Variants in SPIN1 observed in about 807,000 individuals in gnomAD.
SPIN1 encodes the protein spindlin-1.
SPIN1 carries 3 observed loss-of-function variants against 26.0 expected under a neutral mutation model. That is an observed-to-expected ratio of 0.12 (90% CI 0.05 to 0.30). The LOEUF is 0.30. SPIN1 is among the 10% of genes least tolerant of loss of function. SPIN1 has a pLI of 1.00. For missense variants in SPIN1, 126 were observed against 333.4 expected (o/e 0.38, Z 4.84); for synonymous variants, 101 against 116.5 (o/e 0.87, Z 0.86).
At chr9:88,470,148 A>G (rs1828749743) in intron 5 of SPIN1, among the ~76,000 whole-genome samples, 1 of 152,184 alleles carries the variant, frequency 6.6e-6, no homozygotes, top group Non-Finnish European at 1.5e-5. Context: ...TCAGTACTTC[A>G]TTCCTTTTAA....
At chr9:88,414,339 C>T (rs1250769075) in intron 1 of SPIN1, among the ~76,000 whole-genome samples, 1 of 152,218 alleles carries the variant, frequency 6.6e-6, no homozygotes, top group African/African-American at 2.4e-5. Flanking sequence ...TGGCCAGCCC[C>T]CCACCTCCAC....
At chr9:88,432,496 T>C (rs972245506) in intron 2 of SPIN1, among the ~76,000 whole-genome samples, 2 of 151,234 alleles carry the variant, frequency 1.3e-5, no homozygotes, top group East Asian at 3.9e-4. Context: ...TTTTTTTTTT[T>C]TTCTTTGAGA....
At chr9:88,439,867 TTTATAG>T (rs1201867316) in intron 2 of SPIN1, among the ~76,000 whole-genome samples, 5 of 152,238 alleles carry the variant, frequency 3.3e-5, no homozygotes, top group Admixed American at 2.0e-4. Context: ...TCTGTGTATC[TTTATAG>T]TTAAAGTGGA....
At position 88,409,019 on chromosome 9, in the gene SPIN1, A is replaced by G. The variant is rs933796603; in HGVS notation, c.-158-17363A>G. On this transcript the variant is annotated intron_variant, in intron 1 of 5. Transcript: ENST00000375859. ...TGTGTGTGTGTGTGTGTTTGAGATG[A>G]ATTTTTGCTCTTGTTGCCCAGGCTG... is the stretch of plus-strand genomic sequence containing the variant. 5.7e-3 allele frequency among the ~76,000 whole-genome samples: 431 copies of G among 76,026 alleles called. 1 individual carries two copies. The highest frequency in any genetic ancestry group is 0.035 in the African/African-American group (412 of 11,906). 49.9% of individuals were successfully genotyped at this position (76,026 alleles called of 152,430 possible).
intron 1 of SPIN1, among the ~76,000 whole-genome samples, chr9:88,402,360 A>G (rs923148000): frequency 6.6e-6 from 1 of 152,152 alleles, no homozygotes; most frequent in Non-Finnish European, 1.5e-5. Context: ...TGAGATATAC[A>G]GTATATATTT....
chr9:88,388,849 CCG>C (rs938522680), intron 1 of SPIN1, among the ~76,000 whole-genome samples: 1 of 150,766 alleles, frequency 6.6e-6, no homozygotes, highest in Non-Finnish European at 1.5e-5. Flanking sequence ...TCCCCGGCCG[CCG>C]CCGGCCCCTT....
rs796567356 is a variant in SPIN1, at chr9:88,410,422, C to G, written c.-158-15960C>G. The stretch of plus-strand genomic sequence containing the variant: ...CTAAAACATGTCTTCTTTGTAGCAT[C>G]TAGGCCCTGCCACCACTGTGCTTGG... On this transcript the variant is annotated intron_variant, in intron 1 of 5. Coordinates refer to ENST00000375859, the MANE Select transcript of SPIN1 (RefSeq NM_006717.3). 24 of 619,630 alleles carry G rather than the reference C, an allele frequency of 3.9e-5. No homozygotes were observed. In the African/African-American group the frequency reaches 4.2e-4, roughly 11 times the overall value. The allele number at this position is 619,630 out of a possible 1,614,324, so 38.4% of individuals were successfully genotyped here. A position where few individuals can be genotyped will look rare whatever the true frequency, so the allele number is the denominator to read the frequency against.
chr9:88,424,517 C>G (rs1412065276), intron 1 of SPIN1, among the ~76,000 whole-genome samples: 1 of 152,080 alleles, frequency 6.6e-6, no homozygotes, highest in African/African-American at 2.4e-5. Flanking sequence ...ATGTGATTGA[C>G]CATCCATGAA....
intron 1 of SPIN1, among the ~76,000 whole-genome samples, chr9:88,415,412 A>C (rs1287045854): frequency 6.6e-6 from 1 of 152,040 alleles, no homozygotes; most frequent in Non-Finnish European, 1.5e-5. Flanking sequence ...CATTGTCCTT[A>C]AGTTCCATTC....
chr9:88,432,796 A>G (rs1015565619), intron 2 of SPIN1, among the ~76,000 whole-genome samples: 1 of 150,238 alleles, frequency 6.7e-6, no homozygotes, highest in Admixed American at 6.6e-5. Context: ...CCATTTTCCC[A>G]TTCTCTGGGG....
rs755530595 is a variant in SPIN1 at position 88,426,585 on chromosome 9, G to A, written c.46G>A (p.Asp16Asn). 1 of 1,613,256 alleles carries A rather than the reference G, an allele frequency of 6.2e-7. No homozygotes were observed. Among genetic ancestry groups the A allele is most frequent in the Non-Finnish European group, 8.5e-7 (1 of 1,179,498 alleles). Residue 16 changes from aspartate (D) to asparagine (N), a missense_variant, in exon 2 of 6, where the codon GAT (aspartate) becomes AAT (asparagine). Physicochemically the swap from Asp to Asn is conservative, Grantham distance 23. This residue lies in a region of SPIN1 where 63 missense variants were observed against 101.3 expected (regional missense o/e 0.62). Coordinates refer to ENST00000375859, the MANE Select transcript of SPIN1 (RefSeq NM_006717.3). ...GACACCTGGCCAGCGGTCCAGAGCTGATGCAGGTAGGCATTGCGGTTCTAC... is the reference window on the plus strand; with the variant it reads ...GACACCTGGCCAGCGGTCCAGAGCTAATGCAGGTAGGCATTGCGGTTCTAC... ...GKTPGQRSRA[D>N]AGHAGVSANM...
intron 2 of SPIN1, among the ~76,000 whole-genome samples, chr9:88,446,191 T>C (rs1828247504): frequency 6.6e-6 from 1 of 152,218 alleles, no homozygotes; most frequent in African/African-American, 2.4e-5. Context: ...AAGATTATTA[T>C]AGCTTTTTAA....
intron 4 of SPIN1, among the ~76,000 whole-genome samples, chr9:88,467,858 C>CAAA (rs201593243): frequency 8.8e-6 from 1 of 113,140 alleles, no homozygotes; most frequent in Admixed American, 8.6e-5. Flanking sequence ...AAAAAAAAAA[C>CAAA]AAAAAAAAAA....
At chr9:88,405,009 T>C (rs1456044738) in intron 1 of SPIN1, among the ~76,000 whole-genome samples, 2 of 152,010 alleles carry the variant, frequency 1.3e-5, no homozygotes, top group African/African-American at 4.8e-5. Flanking sequence ...GTGAAAGGTC[T>C]TCAGGTGCAA....
At chr9:88,442,667 G>A (rs950051138) in intron 2 of SPIN1, among the ~76,000 whole-genome samples, 1 of 151,918 alleles carries the variant, frequency 6.6e-6, no homozygotes, top group Non-Finnish European at 1.5e-5. Context: ...TTACAGGTGT[G>A]AGCCACCATG....
rs1171125032 is a variant in SPIN1, at chr9:88,476,012, T to C, written c.*735T>C. 1 of 152,106 alleles carries C rather than the reference T, an allele frequency of 6.6e-6. No homozygotes were observed. The highest frequency in any genetic ancestry group is 2.4e-5 in the African/African-American group (1 of 41,428). The allele number at this position is 152,106 out of a possible 1,614,324, so 9.4% of individuals were successfully genotyped here. On this transcript the variant is annotated 3_prime_UTR_variant, in exon 6 of 6. Transcript: ENST00000375859. ...TTATTTGTGAACAGTTAATGACCCATATTAGAATTTTACAATCTGGTGAAC... is the reference window on the plus strand; with the variant it reads ...TTATTTGTGAACAGTTAATGACCCACATTAGAATTTTACAATCTGGTGAAC...
intron 1 of SPIN1, among the ~76,000 whole-genome samples, chr9:88,423,705 T>C (rs902039725): frequency 6.6e-6 from 1 of 151,560 alleles, no homozygotes; most frequent in Non-Finnish European, 1.5e-5. Context: ...TGTGAACCAC[T>C]GTGCCCAGCC....
In SPIN1 at chr9:88,455,580, A is replaced by G. The variant is rs989476887; in HGVS notation, c.101+6591A>G. Among the ~76,000 whole-genome samples, 28 of 152,352 alleles carry G rather than the reference A, an allele frequency of 1.8e-4. 1 individual carries two copies. The highest frequency in any genetic ancestry group is 6.5e-4 in the African/African-American group (27 of 41,604). ...TAATGCCATCACCCAGAGATTGTTA[A>G]TAATTTAATGTATATTTTAAAAAAC... On this transcript the variant is annotated intron_variant, in intron 3 of 5. Coordinates refer to ENST00000375859, the MANE Select transcript of SPIN1 (RefSeq NM_006717.3).
intron 1 of SPIN1, among the ~76,000 whole-genome samples, chr9:88,397,629 G>GT (rs797005965): frequency 2.2e-3 from 323 of 144,724 alleles, no homozygotes; most frequent in South Asian, 2.6e-3. Flanking sequence ...TGTCTGAAGT[G>GT]TTTTTTTTTT....
Sources: allele counts gnomAD v4.1 joint callset (sites outside exome capture counted in the v4.1 genomes callset), GRCh38; gene constraint gnomAD v4.1.1; regional missense constraint gnomAD v4.1.1; transcripts MANE v1.5; gene names NCBI Gene and HGNC (gene_info 2026-07-23, HGNC 2026-07-21).